The following CTDP1 variants were observed in gnomAD, a reference collection of about 807,000 sequenced individuals.
CTDP1 encodes the protein CTD phosphatase 1.
A neutral mutation model predicts 91.8 loss-of-function variants in CTDP1; 47 were observed. The observed-to-expected ratio is 0.51, with a 90% CI of 0.41 to 0.65. CTDP1 has a LOEUF of 0.65. Ranked by LOEUF, CTDP1 falls within the 30% of genes least tolerant of loss-of-function variation. The pLI, the probability that CTDP1 is intolerant of heterozygous loss-of-function variation, is 0.00. For synonymous variants in CTDP1, 656 were observed against 598.5 expected (o/e 1.10, Z -1.40); for missense variants, 1,272 against 1,373.7 (o/e 0.93, Z 1.17).
chr18:79,736,566 G>A lies in CTDP1; in HGVS notation c.2747+45G>A, dbSNP rs566199927. 1.7e-3 allele frequency: 2,505 copies of A among 1,487,532 alleles called. 2 individuals carry two copies. Among genetic ancestry groups the A allele is most frequent in the Non-Finnish European group, 2.1e-3 (2,308 of 1,114,004 alleles). 92.1% of individuals were successfully genotyped at this position (1,487,532 alleles called of 1,614,324 possible). ...TGGGAGGGGCCTGACACGGGCTCCC[G>A]GAGGTGACTCTGCAGTTGGTGGGCC... On this transcript the variant is annotated intron_variant, in intron 12 of 12. Transcript: ENST00000613122.
downstream of CTDP1, chr18:79,756,396 C>T (rs60253145): frequency 0.088 from 13,390 of 152,286 alleles, 962 homozygotes; most frequent in African/African-American, 0.19. Flanking sequence ...TGATGGCACC[C>T]TCTGGAAGGC....
chr18:79,745,235 G>T lies in CTDP1; in HGVS notation c.2748-8417G>T. On this transcript the variant is annotated intron_variant, in intron 12 of 12. Transcript: ENST00000613122. ...ACACATACGTGTTTGACTGGATTGT[G>T]CGTCCCTCCCATGCGCGTTCTGTCC... Among the ~76,000 whole-genome samples the T allele has an allele frequency of 1.4e-5, 2 of 145,124 alleles. 1 individual carries two copies. The highest frequency in any genetic ancestry group is 5.3e-5 in the African/African-American group (2 of 37,534).
At chr18:79,705,699 C>T (rs776167300) in intron 5 of CTDP1, among the ~76,000 whole-genome samples, 1 of 152,234 alleles carries the variant, frequency 6.6e-6, no homozygotes. Context: ...CAAGCTCCTC[C>T]GTACTGGCTC....
At chr18:79,706,557 G>GT (rs879462129) in intron 5 of CTDP1, among the ~76,000 whole-genome samples, 1,849 of 148,826 alleles carry the variant, frequency 0.012, 22 homozygotes, top group African/African-American at 0.035. Flanking sequence ...CTATTCTCTG[G>GT]TTTTTTTTTT....
At chr18:79,740,995 T>C (rs923943087) in intron 12 of CTDP1, among the ~76,000 whole-genome samples, 4 of 151,992 alleles carry the variant, frequency 2.6e-5, no homozygotes, top group Admixed American at 2.6e-4. Flanking sequence ...CCCCGTGCGG[T>C]TGATCTGTCC....
At chr18:79,696,091 G>T (rs779834426) in intron 3 of CTDP1, 21 bp downstream of exon 3, 2 of 1,603,802 alleles carry the variant, frequency 1.2e-6, no homozygotes, top group South Asian at 1.1e-5. Flanking sequence ...CATCAGTGGC[G>T]GCGTGTTGGG....
intron 5 of CTDP1, among the ~76,000 whole-genome samples, chr18:79,706,952 T>C (rs2085978958): frequency 6.6e-6 from 1 of 152,264 alleles, no homozygotes; most frequent in Non-Finnish European, 1.5e-5. Context: ...CATACGTTGA[T>C]CTGGTGCCCG....
chr18:79,738,009 C>A (rs1450728839), intron 12 of CTDP1, among the ~76,000 whole-genome samples: 5 of 143,318 alleles, frequency 3.5e-5, no homozygotes, highest in African/African-American at 1.2e-4. Context: ...CGGCCTCCCC[C>A]GCAGGTCCCC....
rs112203887 is a variant in CTDP1, at chr18:79,731,630, C to A, written c.2580+2561C>A. On this transcript the variant is annotated intron_variant, in intron 11 of 12. Transcript: ENST00000613122. The stretch of plus-strand genomic sequence containing the variant: ...CCCGTGTAGCACATGCTTCTGACCT[C>A]CACGTCCAGAACATGCCTAAGCAGA... Among the ~76,000 whole-genome samples, 841 of 152,338 alleles carry A rather than the reference C, an allele frequency of 5.5e-3. 6 individuals are homozygous for A. The highest frequency in any genetic ancestry group is 0.019 in the African/African-American group (789 of 41,570).
At chr18:79,739,119 G>C (rs1245066445) in intron 12 of CTDP1, among the ~76,000 whole-genome samples, 3 of 152,254 alleles carry the variant, frequency 2.0e-5, no homozygotes, top group Non-Finnish European at 4.4e-5. Flanking sequence ...CAAGGAGTCT[G>C]TCTGCCGTGG....
At chr18:79,718,116 C>T (rs749042242) in intron 10 of CTDP1, 100 bp downstream of exon 10, 139 of 1,381,876 alleles carry the variant, frequency 1.0e-4, no homozygotes, top group Non-Finnish European at 1.3e-4. Context: ...GAAGTGAGGG[C>T]GGGTGGAGGC....
intron 12 of CTDP1, among the ~76,000 whole-genome samples, chr18:79,747,940 AGT>A (rs1250841413): frequency 6.6e-6 from 1 of 152,218 alleles, no homozygotes; most frequent in African/African-American, 2.4e-5. Context: ...GTGACAGCCC[AGT>A]GTGTTTGGAA....
At chr18:79,733,836 G>GTT (rs1319446173) in intron 11 of CTDP1, among the ~76,000 whole-genome samples, 28 of 152,082 alleles carry the variant, frequency 1.8e-4, no homozygotes, top group Non-Finnish European at 3.7e-4. Context: ...TTTCATTTCC[G>GTT]TGCATTGACA....
intron 10 of CTDP1, among the ~76,000 whole-genome samples, chr18:79,727,226 GTT>G (rs567253483): frequency 4.6e-5 from 7 of 152,220 alleles, no homozygotes; most frequent in Non-Finnish European, 7.3e-5. Context: ...ATTTAATTCA[GTT>G]TAAAATAACA....
chr18:79,734,198 C>T (rs556513090), intron 11 of CTDP1, among the ~76,000 whole-genome samples: 18 of 152,314 alleles, frequency 1.2e-4, no homozygotes, highest in Admixed American at 7.2e-4. Flanking sequence ...GCGTGGAAGG[C>T]GGCTGGGCCG....
At chr18:79,750,757 G>A (rs1235437811) in intron 12 of CTDP1, among the ~76,000 whole-genome samples, 2 of 147,544 alleles carry the variant, frequency 1.4e-5, no homozygotes, top group African/African-American at 2.5e-5. Context: ...CAGGTGATCC[G>A]CCTGACTTGG....
chr18:79,745,301 C>T (rs1364378203), intron 12 of CTDP1, among the ~76,000 whole-genome samples: 1 of 127,318 alleles, frequency 7.9e-6, no homozygotes, highest in African/African-American at 3.2e-5. Context: ...GCGTCCCTCC[C>T]GTGCGCGTTC....
At chr18:79,705,300 G>A (rs681631) in intron 5 of CTDP1, among the ~76,000 whole-genome samples, 115,883 of 152,094 alleles carry the variant, frequency 0.76, 44,413 homozygotes, top group Middle Eastern at 0.79. Context: ...ATTGTCCCCT[G>A]CCTACACATG....
At chr18:79,729,185 C>G in intron 11 of CTDP1, 116 bp downstream of exon 11, 1 of 1,318,894 alleles carries the variant, frequency 7.6e-7, no homozygotes, top group Non-Finnish European at 1.1e-6. Context: ...GAGTCCTGCA[C>G]TTGTGTAGTT....
Sources: allele counts gnomAD v4.1 joint callset (sites outside exome capture counted in the v4.1 genomes callset), GRCh38; gene constraint gnomAD v4.1.1; transcripts MANE v1.5; gene names NCBI Gene and HGNC (gene_info 2026-07-23, HGNC 2026-07-21).